Variants in HMSD observed in about 807,000 individuals in gnomAD.
HMSD encodes the protein histocompatibility minor serpin domain containing.
A neutral mutation model predicts 10.0 loss-of-function variants in HMSD; 13 were observed. The observed-to-expected ratio is 1.31, with a 90% confidence interval of 0.85 to 2.08. The LOEUF is 2.08. Ranked by LOEUF, HMSD falls within the 30% of genes most tolerant of loss-of-function variation. HMSD has a pLI of 0.00. For missense variants in HMSD, 169 were observed against 166.3 expected (o/e 1.02, Z -0.09); for synonymous variants, 51 against 54.2 (o/e 0.94, Z 0.26).
chr18:63,957,735 G>A (rs1240996576), intron 3 of HMSD, among the ~76,000 whole-genome samples: 5 of 152,040 alleles, frequency 3.3e-5, no homozygotes, highest in Non-Finnish European at 5.9e-5. Context: ...ATATCAATTC[G>A]TGGTGGATAT....
intron 3 of HMSD, chr18:63,966,931 CTA>C (rs2050412210): frequency 6.6e-6 from 1 of 152,160 alleles, no homozygotes; most frequent in South Asian, 2.1e-4. Flanking sequence ...TTTTATGATG[CTA>C]TGTTTGTTTC....
In HMSD at chr18:63,960,083, T is replaced by C. The variant is rs2050378078; in HGVS notation, c.223-75T>C. ...TCATAAAATTATTGATTTTCTGATG[T>C]GGCACAATGAAGAAGTAAGCCAGTG... On this transcript the variant is annotated intron_variant, in intron 3 of 3. Transcript: ENST00000408945. 1.1e-5 allele frequency: 15 copies of C among 1,324,290 alleles called. No homozygotes were observed. In the South Asian group the frequency reaches 1.4e-4, roughly 13 times the overall value. The allele number at this position is 1,324,290 out of a possible 1,614,324, so 82.0% of individuals were successfully genotyped here.
At position 63,960,459 on chromosome 18, in the gene HMSD, T is replaced by C. The variant is rs916275648; in HGVS notation, c.*104T>C. ...TTCTCTAGCTTTAGCTTTTCCCTTA[T>C]CAAGTATCTGTGATGTCTCTCTAGA... On this transcript the variant is annotated 3_prime_UTR_variant, in exon 4 of 4. Transcript: ENST00000408945. 3.5e-6 allele frequency: 5 copies of C among 1,438,540 alleles called. No individual in the cohort carries two copies. The African/African-American group carries it at 4.4e-5, about 13-fold the overall frequency. 89.1% of individuals were successfully genotyped at this position (1,438,540 alleles called of 1,614,324 possible). A position where few individuals can be genotyped will look rare whatever the true frequency, so the allele number is the denominator to read the frequency against.
chr18:63,956,756 T>C (rs560202418), intron 3 of HMSD, among the ~76,000 whole-genome samples: 9 of 152,136 alleles, frequency 5.9e-5, no homozygotes, highest in Non-Finnish European at 1.0e-4. Context: ...TAGAAATCAT[T>C]CTACCATAAA....
chr18:63,957,341 G>A (rs1319601630), intron 3 of HMSD, among the ~76,000 whole-genome samples: 1 of 151,990 alleles, frequency 6.6e-6, no homozygotes, highest in Non-Finnish European at 1.5e-5. Context: ...GATTATAAAT[G>A]GGATTAAACA....
Position 63,961,039 on chromosome 18 carries a change from G to C in HMSD, c.*684G>C, listed in dbSNP as rs751351459. On this transcript the variant is annotated 3_prime_UTR_variant, in exon 4 of 4. Coordinates refer to ENST00000408945, the MANE Select transcript of HMSD (RefSeq NM_001123366.2). ...ATATGATTCTTCCACTGCAGAGAGA[G>C]CCTCTGAGTGTTACAGCCAGGAGCA... 4 of 152,328 alleles carry C rather than the reference G, an allele frequency of 2.6e-5. No homozygotes were observed. Among genetic ancestry groups the C allele is most frequent in the Non-Finnish European group, 5.9e-5 (4 of 68,180 alleles). The allele number at this position is 152,328 out of a possible 1,614,324, so 9.4% of individuals were successfully genotyped here. A position where few individuals can be genotyped will look rare whatever the true frequency, so the allele number is the denominator to read the frequency against.
intron 3 of HMSD, among the ~76,000 whole-genome samples, chr18:63,956,006 T>C (rs2050356152): frequency 6.6e-6 from 1 of 152,154 alleles, no homozygotes; most frequent in African/African-American, 2.4e-5. Context: ...TTTCCAGGGG[T>C]AATTCTGGAG....
rs1366012772 is a variant in HMSD at position 63,960,293 on chromosome 18, T to C, written c.358T>C (p.Phe120Leu). ...AACTAAAGGTGAAAATATATTGTTA[T>C]TCTATTTCGATAATATTTTAAACAG... ...DKTKGENILL[F>L]YFDNILNSFI... The change falls in exon 4 of 4, where the codon TTC (phenylalanine) becomes CTC (leucine). Residue 120 changes from phenylalanine to leucine, a missense_variant. Physicochemically the swap from Phe to Leu is conservative, Grantham distance 22. Coordinates refer to ENST00000408945, the MANE Select transcript of HMSD (RefSeq NM_001123366.2). The C allele has an allele frequency of 6.2e-7, 1 of 1,609,116 alleles. No homozygotes were observed. The highest frequency in any genetic ancestry group is 1.3e-5 in the African/African-American group (1 of 74,652).
chr18:63,952,117 T>C (rs1263783726), intron 1 of HMSD, among the ~76,000 whole-genome samples: 6 of 121,524 alleles, frequency 4.9e-5, no homozygotes, highest in Non-Finnish European at 8.0e-5. Flanking sequence ...GGAAGGGGAA[T>C]ATCACACTCT....
chr18:63,950,202 G>T (rs1476873133), intron 1 of HMSD, among the ~76,000 whole-genome samples: 1 of 151,972 alleles, frequency 6.6e-6, no homozygotes, highest in Non-Finnish European at 1.5e-5. Context: ...GGATCACGAG[G>T]TCAGGAGTTC....
At chr18:63,949,455 C>G (rs948652635) in intron 1 of HMSD, 55 bp downstream of exon 1, 1 of 152,406 alleles carries the variant, frequency 6.6e-6, no homozygotes, top group Non-Finnish European at 1.5e-5. Flanking sequence ...GTTACCTGCT[C>G]TTGAGCCCAG....
At chr18:63,961,884 T>C (rs2050388459), downstream of HMSD, 1 of 152,222 alleles carries the variant, frequency 6.6e-6, no homozygotes, top group Non-Finnish European at 1.5e-5. Flanking sequence ...TACTATTTAA[T>C]GGGGGAGATC....
chr18:63,963,600 G>T (rs2050399344), downstream of HMSD, among the ~76,000 whole-genome samples: 1 of 152,302 alleles, frequency 6.6e-6, no homozygotes, highest in African/African-American at 2.4e-5. Context: ...CTTAGATATT[G>T]TCCTTGAGAT....
chr18:63,953,335 TA>T lies in HMSD; in HGVS notation c.-102-14del. On this transcript the variant is annotated intron_variant, in intron 1 of 3. Coordinates refer to ENST00000408945, the MANE Select transcript of HMSD (RefSeq NM_001123366.2). Reference sequence around the variant, plus strand: ...AAGCCTATATTAATGTAATATTGTTTAAAAATCCATTGTTTCAGGCTCACCG... The same window carrying T: ...AAGCCTATATTAATGTAATATTGTTTAAAATCCATTGTTTCAGGCTCACCG... 1.4e-6 allele frequency: 1 copy of T among 694,392 alleles called. No homozygotes were observed. The highest frequency in any genetic ancestry group is 2.6e-6 in the Non-Finnish European group (1 of 390,338). The allele number at this position is 694,392 out of a possible 1,614,324, so 43.0% of individuals were successfully genotyped here.
At position 63,960,478 on chromosome 18, in the gene HMSD, C is replaced by T. The variant is rs1295120923; in HGVS notation, c.*123C>T. Reference sequence around the variant, plus strand: ...CCCTTATCAAGTATCTGTGATGTCTCTCTAGATGAAATAATCTCTTCCAGG... The same window carrying T: ...CCCTTATCAAGTATCTGTGATGTCTTTCTAGATGAAATAATCTCTTCCAGG... On this transcript the variant is annotated 3_prime_UTR_variant, in exon 4 of 4. Coordinates refer to ENST00000408945, the MANE Select transcript of HMSD (RefSeq NM_001123366.2). 1 of 1,343,846 alleles carries T rather than the reference C, an allele frequency of 7.4e-7. No individual in the cohort carries two copies. Among genetic ancestry groups the T allele is most frequent in the Non-Finnish European group, 9.8e-7 (1 of 1,021,222 alleles). 83.2% of individuals were successfully genotyped at this position (1,343,846 alleles called of 1,614,324 possible).
downstream of HMSD, among the ~76,000 whole-genome samples, chr18:63,962,843 C>A (rs899609466): frequency 2.0e-5 from 3 of 152,098 alleles, no homozygotes; most frequent in South Asian, 6.2e-4. Context: ...TGAGCTGAAG[C>A]TTCTGTGTTG....
intron 3 of HMSD, among the ~76,000 whole-genome samples, chr18:63,959,449 G>C (rs1366814016): frequency 6.6e-6 from 1 of 152,126 alleles, no homozygotes; most frequent in Non-Finnish European, 1.5e-5. Context: ...GGAATTTTCA[G>C]CCATCTTTCT....
chr18:63,953,578 G>A, intron 2 of HMSD, 51 bp downstream of exon 2: 1 of 1,416,234 alleles, frequency 7.1e-7, no homozygotes, highest in Non-Finnish European at 1.0e-6. Context: ...TTTATCAGTT[G>A]AGCTGGACTT....
At chr18:63,967,995 A>G (rs546086349) in intron 3 of HMSD, 4 of 152,248 alleles carry the variant, frequency 2.6e-5, no homozygotes, top group Admixed American at 6.5e-5. Flanking sequence ...ACCTAGGAAA[A>G]CAGACCAGTT....
Sources: gnomAD v4.1 joint callset for allele counts (sites outside exome capture counted in the v4.1 genomes callset) on GRCh38, gnomAD v4.1.1 for gene constraint, MANE v1.5 for transcripts, NCBI Gene and HGNC (gene_info 2026-07-23, HGNC 2026-07-21) for gene names.